PCCA: variants seen among roughly 807,000 people sequenced by gnomAD.
PCCA encodes propionyl-CoA carboxylase subunit alpha, also known as propionyl-CoA carboxylase alpha chain, mitochondrial.
PCCA carries 74 observed loss-of-function variants against 101.3 expected under a neutral mutation model. That is an observed-to-expected ratio of 0.73 (90% CI 0.61 to 0.89). The LOEUF is 0.89. Ranked by LOEUF, PCCA falls within the 40% of genes least tolerant of loss-of-function variation. PCCA has a pLI of 0.00. For missense variants in PCCA, 891 were observed against 907.0 expected (o/e 0.98, Z 0.23); for synonymous variants, 294 against 313.6 (o/e 0.94, Z 0.66).
chr13:100,263,360 T>C (rs2062658310), intron 10 of PCCA, among the ~76,000 whole-genome samples: 1 of 152,220 alleles, frequency 6.6e-6, no homozygotes, highest in Admixed American at 6.5e-5. Context: ...ATTTTATACA[T>C]TATGACTATG....
intron 20 of PCCA, among the ~76,000 whole-genome samples, chr13:100,441,472 A>G (rs2080360997): frequency 6.6e-6 from 1 of 152,194 alleles, no homozygotes. Context: ...TTGTTTTGCA[A>G]ATGTTTTTGC....
intron 6 of PCCA, among the ~76,000 whole-genome samples, chr13:100,172,047 A>AG (rs1467088032): frequency 2.0e-5 from 3 of 151,424 alleles, no homozygotes; most frequent in Non-Finnish European, 4.4e-5. Context: ...AAAAAAAAAA[A>AG]AATATTAGCT....
chr13:100,492,500 G>T (rs1170735993), intron 21 of PCCA, among the ~76,000 whole-genome samples: 1 of 151,928 alleles, frequency 6.6e-6, no homozygotes, highest in African/African-American at 2.4e-5. Context: ...GCCTCATGCA[G>T]TTGACTGAAT....
At chr13:100,354,345 A>AGGAG (rs59424979) in intron 18 of PCCA, among the ~76,000 whole-genome samples, 34 of 96,024 alleles carry the variant, frequency 3.5e-4, no homozygotes, top group Non-Finnish European at 2.2e-4. Flanking sequence ...GGGCGGTGGG[A>AGGAG]GGAGGGAGGG....
chr13:100,405,697 A>T (rs1373556540), intron 19 of PCCA, among the ~76,000 whole-genome samples: 2 of 150,360 alleles, frequency 1.3e-5, no homozygotes, highest in Non-Finnish European at 3.0e-5. Context: ...AATACTTGCG[A>T]GTTGGGTGGT....
chr13:100,101,469 A>G (rs2047273522), intron 1 of PCCA, among the ~76,000 whole-genome samples: 2 of 152,192 alleles, frequency 1.3e-5, no homozygotes, highest in South Asian at 4.1e-4. Context: ...GGACACAGTA[A>G]TAATTTCCCG....
chr13:100,187,997 C>A (rs932666288), intron 6 of PCCA, among the ~76,000 whole-genome samples: 1 of 151,140 alleles, frequency 6.6e-6, no homozygotes, highest in African/African-American at 2.4e-5. Flanking sequence ...TGAGAACATA[C>A]GATGTTTGGT....
rs575346821 is a variant in PCCA, at chr13:100,319,921, G to C, written c.1429+10013G>C. On this transcript the variant is annotated intron_variant, in intron 16 of 23. Coordinates refer to ENST00000376285, the MANE Select transcript of PCCA (RefSeq NM_000282.4). ...TTGAATCTATAAATTACCTTGGGCA[G>C]TATGGCCATTTTCACGATATTAGTT... 8.8e-4 allele frequency among the ~76,000 whole-genome samples: 134 copies of C among 152,300 alleles called. 1 individual carries two copies. Among genetic ancestry groups the C allele is most frequent in the African/African-American group, 3.0e-3 (124 of 41,568 alleles).
intron 21 of PCCA, among the ~76,000 whole-genome samples, chr13:100,511,759 G>A (rs1302687030): frequency 2.0e-5 from 3 of 152,194 alleles, no homozygotes; most frequent in South Asian, 2.1e-4. Flanking sequence ...CGCTCACCTC[G>A]GGAGCAGCCG....
intron 19 of PCCA, among the ~76,000 whole-genome samples, chr13:100,398,146 G>A (rs2077140730): frequency 6.6e-6 from 1 of 152,212 alleles, no homozygotes; most frequent in Admixed American, 6.5e-5. Flanking sequence ...GCTGGGAGTG[G>A]ATGTTGTTTC....
intron 21 of PCCA, among the ~76,000 whole-genome samples, chr13:100,460,737 C>T (rs1482890164): frequency 6.6e-6 from 1 of 152,146 alleles, no homozygotes; most frequent in Non-Finnish European, 1.5e-5. Context: ...ACCCTTGATA[C>T]ACCAGCACAA....
chr13:100,223,936 A>G (rs1376886088), intron 7 of PCCA, among the ~76,000 whole-genome samples: 1 of 152,236 alleles, frequency 6.6e-6, no homozygotes, highest in African/African-American at 2.4e-5. Flanking sequence ...CCTGAGCTAG[A>G]CATAAAGGTT....
intron 7 of PCCA, among the ~76,000 whole-genome samples, chr13:100,231,307 A>G (rs1186357710): frequency 1.3e-5 from 2 of 152,152 alleles, no homozygotes; most frequent in African/African-American, 4.8e-5. Flanking sequence ...GTTTGGTAAA[A>G]GGGGAGAGAG....
At position 100,283,138 on chromosome 13, in the gene PCCA, C is replaced by T. The variant is rs377626090; in HGVS notation, c.1065+9792C>T. ...AAGGTCTAGGGCAAACCTTCGACCT[C>T]GCTTGGAGAGACGTCATGCTACTGT... On this transcript the variant is annotated intron_variant, in intron 12 of 23. Transcript: ENST00000376285. Among the ~76,000 whole-genome samples, 13 of 152,228 alleles carry T rather than the reference C, an allele frequency of 8.5e-5. No individual in the cohort carries two copies. The East Asian group carries it at 1.5e-3, about 18-fold the overall frequency.
At chr13:100,448,027 C>G (rs974077998) in intron 20 of PCCA, among the ~76,000 whole-genome samples, 1 of 152,150 alleles carries the variant, frequency 6.6e-6, no homozygotes, top group Non-Finnish European at 1.5e-5. Flanking sequence ...GAGTGAAAGC[C>G]ACTAATACTC....
intron 21 of PCCA, among the ~76,000 whole-genome samples, chr13:100,510,306 A>G (rs566680593): frequency 6.6e-6 from 1 of 152,338 alleles, no homozygotes; most frequent in Admixed American, 6.5e-5. Context: ...CTCTGCATCA[A>G]TTAGCACAGT....
At chr13:100,121,701 C>T (rs2049417623) in intron 4 of PCCA, among the ~76,000 whole-genome samples, 1 of 151,720 alleles carries the variant, frequency 6.6e-6, no homozygotes, top group Non-Finnish European at 1.5e-5. Flanking sequence ...GGCTCAAACT[C>T]CTGACCTTGT....
intron 21 of PCCA, among the ~76,000 whole-genome samples, chr13:100,453,062 G>A (rs2081448010): frequency 6.6e-6 from 1 of 151,932 alleles, no homozygotes; most frequent in Admixed American, 6.6e-5. Flanking sequence ...TGGGTGTGGT[G>A]GTGCATGTCT....
intron 7 of PCCA, among the ~76,000 whole-genome samples, chr13:100,233,669 C>T (rs1264968982): frequency 6.6e-6 from 1 of 152,018 alleles, no homozygotes; most frequent in African/African-American, 2.4e-5. Flanking sequence ...TTTTAATGTC[C>T]AGTGCATAAT....
Sources: allele counts gnomAD v4.1 joint callset (sites outside exome capture counted in the v4.1 genomes callset), GRCh38; gene constraint gnomAD v4.1.1; transcripts MANE v1.5; gene names NCBI Gene and HGNC (gene_info 2026-07-23, HGNC 2026-07-21).